ARHGEF15: variants seen among roughly 807,000 people sequenced by gnomAD.
ARHGEF15 encodes Rho guanine nucleotide exchange factor (GEF) 15.
In ARHGEF15, 58 loss-of-function variants were observed where a neutral mutation model predicts 79.7. That is an observed-to-expected ratio of 0.73 (90% CI 0.59 to 0.91). The LOEUF is 0.91. Among genes scored for constraint, ARHGEF15 ranks in the 40% least tolerant of loss-of-function variants. The pLI, the probability that ARHGEF15 is intolerant of heterozygous loss-of-function variation, is 0.00. For synonymous variants in ARHGEF15, 442 were observed against 456.0 expected (o/e 0.97, Z 0.39); for missense variants, 1,012 against 1,108.1 (o/e 0.91, Z 1.23).
rs771324501 is a variant in ARHGEF15 at position 8,314,962 on chromosome 17, A to C, written c.1046A>C (p.Asp349Ala). The change falls in exon 5 of 16, where the codon GAT (aspartate) becomes GCT (alanine). Residue 349 changes from aspartate to alanine, a missense_variant and splice_region_variant. Physicochemically the swap from Asp to Ala is moderately radical, Grantham distance 126. Around this residue, in one of 3 missense-constraint regions of ARHGEF15, gnomAD observed 818 missense variants for 882.5 expected, o/e 0.93. Coordinates refer to ENST00000361926, the MANE Select transcript of ARHGEF15 (RefSeq NM_173728.4). ...CAGAATTGGGAGCTGCCCCTGCAGG[A>C]TGGTGAGGGCCTCTGGACCTGAGGG... ...KEQNWELPLQ[D>A]EPLYQTYRAA... 2 of 1,614,030 alleles carry C rather than the reference A, an allele frequency of 1.2e-6. No individual in the cohort carries two copies. Among genetic ancestry groups the C allele is most frequent in the Admixed American group, 3.3e-5 (2 of 59,994 alleles).
chr17:8,312,378 T>G lies in ARHGEF15; in HGVS notation c.339T>G (p.Ala113=). Reference sequence around the variant, plus strand: ...GGCGCTCCGCCTCCCCAGAACCTGCTCCCCGGTCTCCAGTCCCCCCACCCA... The same window carrying G: ...GGCGCTCCGCCTCCCCAGAACCTGCGCCCCGGTCTCCAGTCCCCCCACCCA... ...VSRRSASPEP[A]PRSPVPPPKP... The change falls in exon 2 of 16, where the codon GCT becomes GCG. Residue 113 remains alanine, a synonymous_variant. Coordinates refer to ENST00000361926, the MANE Select transcript of ARHGEF15 (RefSeq NM_173728.4). The G allele has an allele frequency of 6.2e-7, 1 of 1,607,926 alleles. No individual in the cohort carries two copies. The highest frequency in any genetic ancestry group is 8.5e-7 in the Non-Finnish European group (1 of 1,177,206).
intron 14 of ARHGEF15, 28 bp downstream of exon 14, chr17:8,319,422 G>A (rs768277273): frequency 2.1e-5 from 33 of 1,599,900 alleles, no homozygotes; most frequent in Non-Finnish European, 2.6e-5. Flanking sequence ...GGGGATGAGG[G>A]AAGAAAAAGC....
At chr17:8,311,128 C>G (rs1341210811) in intron 1 of ARHGEF15, among the ~76,000 whole-genome samples, 3 of 152,066 alleles carry the variant, frequency 2.0e-5, no homozygotes, top group Non-Finnish European at 2.9e-5. Flanking sequence ...CTGGAGGGGT[C>G]TGACTCTCCT....
In ARHGEF15 at chr17:8,318,710, CT is replaced by C; in HGVS notation, c.1873-39del. 1 of 1,609,640 alleles carries C rather than the reference CT, an allele frequency of 6.2e-7. No individual in the cohort carries two copies. Among genetic ancestry groups the C allele is most frequent in the Non-Finnish European group, 8.5e-7 (1 of 1,177,384 alleles). On this transcript the variant is annotated intron_variant, in intron 11 of 15. Coordinates refer to ENST00000361926, the MANE Select transcript of ARHGEF15 (RefSeq NM_173728.4). The surrounding 1 kb of genome is among the most constrained non-coding windows in gnomAD (Gnocchi z 5.0). Reference sequence around the variant, plus strand: ...CATCTTGCCCTGCCCCATGTTGCTGCTGCCACGCTAGAACCTCCTCTGCCTC... The same window carrying C: ...CATCTTGCCCTGCCCCATGTTGCTGCGCCACGCTAGAACCTCCTCTGCCTC...
chr17:8,320,410 A>T (rs370924049), intron 15 of ARHGEF15, among the ~76,000 whole-genome samples: 21 of 152,292 alleles, frequency 1.4e-4, no homozygotes, highest in African/African-American at 5.1e-4. Context: ...ATTTAGGCCC[A>T]TGGTGTCTGG....
chr17:8,319,728 T>C lies in ARHGEF15; in HGVS notation c.2374+125T>C, dbSNP rs554785763. The C allele has an allele frequency of 1.9e-4, 137 of 710,944 alleles. 2 individuals are homozygous for C. The South Asian group carries it at 4.8e-3, about 25-fold the overall frequency. The allele number at this position is 710,944 out of a possible 1,614,324, so 44.0% of individuals were successfully genotyped here. A position where few individuals can be genotyped will look rare whatever the true frequency, so the allele number is the denominator to read the frequency against. ...TCGGCTCACTGCAACCTCTGCCTCC[T>C]GGGTTCAAGGGATTCTCCTGCCTCA... On this transcript the variant is annotated intron_variant, in intron 15 of 15. Transcript: ENST00000361926.
chr17:8,319,644 A>T (rs1323777764), intron 15 of ARHGEF15, 41 bp downstream of exon 15: 7 of 1,440,982 alleles, frequency 4.9e-6, no homozygotes, highest in Non-Finnish European at 6.5e-6. Context: ...ATTTATTATT[A>T]TTATTTTTTG....
At chr17:8,313,970 G>T (rs1296821808) in intron 4 of ARHGEF15, 1 of 156,168 alleles carries the variant, frequency 6.4e-6, no homozygotes, top group Non-Finnish European at 1.4e-5. Flanking sequence ...GATGGAGGTT[G>T]CAGGGAGCCA....
Position 8,312,044 on chromosome 17 carries a change from C to A in ARHGEF15, c.5C>A (p.Ser2Ter). The A allele has an allele frequency of 6.3e-7, 1 of 1,588,542 alleles. No individual in the cohort carries two copies. The highest frequency in any genetic ancestry group is 1.2e-5 in the South Asian group (1 of 86,856). The part of the protein sequence containing the change: M[S>*]AQSLPAATPP... ...CTTTGAAGAGCACAGAGGAAGATGT[C>A]AGCCCAGTCCCTTCCTGCAGCAACA... Residue 2 changes from serine to a stop codon, truncating the protein, a stop_gained, in exon 2 of 16, where the codon TCA (serine) becomes TAA (stop). Coordinates refer to ENST00000361926, the MANE Select transcript of ARHGEF15 (RefSeq NM_173728.4). LOFTEE classifies it high-confidence loss of function.
rs1307107683 is a variant in ARHGEF15 at position 8,315,830 on chromosome 17, C to T, written c.1497C>T (p.His499=). 1.2e-6 allele frequency: 2 copies of T among 1,613,116 alleles called. No individual in the cohort carries two copies. Among genetic ancestry groups the T allele is most frequent in the Non-Finnish European group, 1.7e-6 (2 of 1,180,010 alleles). ...ACTTGTGTGATGTGGTGCATGCCCA[C>T]GCTGTGGGGCCTTTCTCGGTGTATG... ...ISDLCDVVHA[H]AVGPFSVYVD... is the part of the protein sequence containing the mutation. Residue 499 remains histidine, a synonymous_variant, in exon 8 of 16, where the codon CAC becomes CAT. Coordinates refer to ENST00000361926, the MANE Select transcript of ARHGEF15 (RefSeq NM_173728.4). The surrounding 1 kb of genome is among the most constrained non-coding windows in gnomAD (Gnocchi z 4.3).
In ARHGEF15 at chr17:8,320,863, G is replaced by A; in HGVS notation, c.2396G>A (p.Gly799Glu). The change falls in exon 16 of 16, where the codon GGG becomes GAG. Residue 799 changes from glycine (G) to glutamate (E), a missense_variant. Around this residue, in one of 3 missense-constraint regions of ARHGEF15, gnomAD observed 132 missense variants for 124.2 expected, o/e 1.06. Coordinates refer to ENST00000361926, the MANE Select transcript of ARHGEF15 (RefSeq NM_173728.4). ...CCAGGTTGGCTGAAGGGGCTTCCTG[G>A]GGCCTTCCCTGCCCAGCTGGTGTGT... is the stretch of plus-strand genomic sequence containing the variant. ...TPEGWLKGLP[G>E]AFPAQLVCEV... The A allele has an allele frequency of 1.2e-6, 2 of 1,613,006 alleles. No homozygotes were observed. The highest frequency in any genetic ancestry group is 4.5e-5 in the East Asian group (2 of 44,874).
chr17:8,321,080 G>C lies in ARHGEF15; in HGVS notation c.*87G>C. The C allele has an allele frequency of 6.4e-7, 1 of 1,552,488 alleles. No individual in the cohort carries two copies. Among genetic ancestry groups the C allele is most frequent in the Non-Finnish European group, 8.8e-7 (1 of 1,134,822 alleles). On this transcript the variant is annotated 3_prime_UTR_variant, in exon 16 of 16. Coordinates refer to ENST00000361926, the MANE Select transcript of ARHGEF15 (RefSeq NM_173728.4). ...AGCCCATTCATCCATTGGATTCACTGTCAGTGGAGATACTACCTCTCGTGG... is the reference window on the plus strand; with the variant it reads ...AGCCCATTCATCCATTGGATTCACTCTCAGTGGAGATACTACCTCTCGTGG...
chr17:8,311,515 G>A (rs774251347), intron 1 of ARHGEF15, among the ~76,000 whole-genome samples: 1 of 151,940 alleles, frequency 6.6e-6, no homozygotes, highest in Non-Finnish European at 1.5e-5. Context: ...GGGAAATGGG[G>A]GGCGGAGGGC....
At chr17:8,312,687 C>A (rs753858130) in intron 2 of ARHGEF15, 47 bp downstream of exon 2, 1 of 1,610,280 alleles carries the variant, frequency 6.2e-7, no homozygotes, top group Non-Finnish European at 8.5e-7. Context: ...ATCCACCCAT[C>A]TTCTCCGTTT....
chr17:8,311,610 G>A (rs1391937622), intron 1 of ARHGEF15, among the ~76,000 whole-genome samples: 1 of 151,630 alleles, frequency 6.6e-6, no homozygotes, highest in Non-Finnish European at 1.5e-5. Context: ...CCCAGACAGC[G>A]CAGAACACAC....
At chr17:8,316,872 T>C (rs1756043091) in intron 9 of ARHGEF15, among the ~76,000 whole-genome samples, 1 of 152,284 alleles carries the variant, frequency 6.6e-6, no homozygotes, top group South Asian at 2.1e-4. Flanking sequence ...AACCTCTGCC[T>C]CCCGGGTTCA....
rs1905356488 is a variant in ARHGEF15 at position 8,321,016 on chromosome 17, T to C, written c.*23T>C. The C allele has an allele frequency of 6.2e-7, 1 of 1,613,494 alleles. No homozygotes were observed. Among genetic ancestry groups the C allele is most frequent in the African/African-American group, 1.3e-5 (1 of 74,880 alleles). On this transcript the variant is annotated 3_prime_UTR_variant, in exon 16 of 16. Coordinates refer to ENST00000361926, the MANE Select transcript of ARHGEF15 (RefSeq NM_173728.4). ...TAATGCAGGCTGAGGAGGGGGCACATGTTGGGAGACACCTACCAGTGTGGC... is the reference window on the plus strand; with the variant it reads ...TAATGCAGGCTGAGGAGGGGGCACACGTTGGGAGACACCTACCAGTGTGGC...
In ARHGEF15 at chr17:8,318,433, C is replaced by G. The variant is rs754270278; in HGVS notation, c.1751C>G (p.Ala584Gly). 6.2e-7 allele frequency: 1 copy of G among 1,614,016 alleles called. No individual in the cohort carries two copies. The highest frequency in any genetic ancestry group is 2.2e-5 in the East Asian group (1 of 44,858). ...GAGGGGTCCAGCCGTCAGGAGAATG[C>G]CCAGAAGGCCCTGGGTGCTGTCAGC... Reference protein sequence around the residue: ...TEEGSSRQENAQKALGAVSKI... With the variant: ...TEEGSSRQENGQKALGAVSKI... The change falls in exon 10 of 16, where the codon GCC becomes GGC. Residue 584 changes from alanine (A) to glycine (G), a missense_variant. Ala to Gly is a moderately conservative substitution (Grantham distance 60). This residue lies in a region of ARHGEF15 where 818 missense variants were observed against 882.5 expected (regional missense o/e 0.93). Transcript: ENST00000361926. This position sits in a 1 kb window ranked among gnomAD's most constrained non-coding sequence, Gnocchi z 5.0.
At chr17:8,316,281 G>A in intron 9 of ARHGEF15, 133 bp downstream of exon 9, 3 of 1,366,146 alleles carry the variant, frequency 2.2e-6, no homozygotes, top group East Asian at 2.5e-5. Context: ...TCATAACTCC[G>A]AATCTGGGTC....
Sources: allele counts gnomAD v4.1 joint callset (sites outside exome capture counted in the v4.1 genomes callset), GRCh38; gene constraint gnomAD v4.1.1; regional missense constraint gnomAD v4.1.1; non-coding constraint Gnocchi (gnomAD v3.1); transcripts MANE v1.5; gene names NCBI Gene and HGNC (gene_info 2026-07-23, HGNC 2026-07-21).